The following SNAP25 variants were observed in gnomAD, a reference collection of about 807,000 sequenced individuals.
The protein encoded by SNAP25 is synaptosomal-associated protein 25.
SNAP25 carries 3 observed loss-of-function variants against 28.7 expected under a neutral mutation model. The ratio of observed to expected loss-of-function variants is 0.10; its 90% CI spans 0.05 to 0.27. The LOEUF (loss-of-function observed/expected upper bound fraction) is 0.27. SNAP25 is among the 10% of genes least tolerant of loss of function. The pLI, the probability that SNAP25 is intolerant of heterozygous loss-of-function variation, is 1.00. For missense variants in SNAP25, 117 were observed against 278.7 expected (o/e 0.42, Z 4.13); for synonymous variants, 61 against 88.1 (o/e 0.69, Z 1.72).
At chr20:10,305,584 C>T (rs1393538461) in intron 7 of SNAP25, among the ~76,000 whole-genome samples, 2 of 152,094 alleles carry the variant, frequency 1.3e-5, no homozygotes, top group African/African-American at 4.8e-5. Context: ...TGGATCCACA[C>T]CATTCAAACC....
chr20:10,305,088 A>G (rs2054635892), intron 7 of SNAP25, among the ~76,000 whole-genome samples: 1 of 152,192 alleles, frequency 6.6e-6, no homozygotes, highest in South Asian at 2.1e-4. Flanking sequence ...GTATTTTATG[A>G]TAGTAAATAA....
chr20:10,265,444 C>G (rs1039776041), intron 1 of SNAP25, among the ~76,000 whole-genome samples: 2 of 152,324 alleles, frequency 1.3e-5, no homozygotes, highest in Middle Eastern at 6.8e-3. Flanking sequence ...CTCCAATGCA[C>G]AAAATCCTCA....
At chr20:10,234,545 A>T (rs1288294426) in intron 1 of SNAP25, among the ~76,000 whole-genome samples, 1 of 152,168 alleles carries the variant, frequency 6.6e-6, no homozygotes, top group East Asian at 1.9e-4. Flanking sequence ...CATAATTTTC[A>T]TTATTCTCCC....
At chr20:10,223,661 C>T (rs907867466) in intron 1 of SNAP25, among the ~76,000 whole-genome samples, 1 of 149,896 alleles carries the variant, frequency 6.7e-6, no homozygotes, top group Admixed American at 6.6e-5. Context: ...GATGAGGGGA[C>T]AAAAAGTTAA....
rs545496478 is a variant in SNAP25, at chr20:10,274,108, G to A, written c.-63-1321G>A. On this transcript the variant is annotated intron_variant, in intron 1 of 7. Coordinates refer to ENST00000254976, the MANE Select transcript of SNAP25 (RefSeq NM_130811.4). The stretch of plus-strand genomic sequence containing the variant: ...TATCCCTAGTGCCTAACACTGCCTG[G>A]CATATTACAGGTGCTCAATAAATAT... 2.9e-4 allele frequency among the ~76,000 whole-genome samples: 44 copies of A among 152,266 alleles called. No individual in the cohort carries two copies. In the South Asian group the frequency reaches 8.9e-3, roughly 31 times the overall value.
chr20:10,276,754 G>A (rs1247031289), intron 2 of SNAP25, among the ~76,000 whole-genome samples: 12 of 152,120 alleles, frequency 7.9e-5, no homozygotes, highest in African/African-American at 2.9e-4. Flanking sequence ...AGAGAGTATT[G>A]TATATTTTAT....
chr20:10,299,135 T>C (rs549436831), intron 6 of SNAP25, 133 bp from the exon 7 acceptor site: 1 of 1,016,576 alleles, frequency 9.8e-7, no homozygotes, highest in South Asian at 1.8e-5. Context: ...AAATGTGTTT[T>C]TGTACTGGAT....
rs362585 is a variant in SNAP25 at position 10,275,604 on chromosome 20, G to T, written c.72+41G>T. The T allele has an allele frequency of 0.073, 112,120 of 1,532,482 alleles. 5,985 individuals carry two copies. Among genetic ancestry groups the T allele is most frequent in the East Asian group, 0.22 (9,356 of 43,014 alleles). The allele number at this position is 1,532,482 out of a possible 1,614,324, so 94.9% of individuals were successfully genotyped here. On this transcript the variant is annotated intron_variant, in intron 2 of 7. Coordinates refer to ENST00000254976, the MANE Select transcript of SNAP25 (RefSeq NM_130811.4). ...CTAGGAAGGGAGGCAAAAGATGAAG[G>T]CCTGAGTGGTTTGTCTTATTCAGGT...
intron 1 of SNAP25, among the ~76,000 whole-genome samples, chr20:10,227,840 A>G (rs1485214259): frequency 1.3e-5 from 2 of 152,160 alleles, no homozygotes; most frequent in African/African-American, 4.8e-5. Context: ...CATATATTAC[A>G]TTCACCAGTG....
intron 4 of SNAP25, among the ~76,000 whole-genome samples, chr20:10,287,094 C>A (rs987329113): frequency 3.3e-5 from 5 of 152,168 alleles, no homozygotes; most frequent in African/African-American, 1.2e-4. Context: ...AGGACATAGG[C>A]ATGGGCAAGG....
intron 1 of SNAP25, among the ~76,000 whole-genome samples, chr20:10,240,376 T>C (rs2122730235): frequency 6.6e-6 from 1 of 152,316 alleles, no homozygotes; most frequent in East Asian, 1.9e-4. Context: ...AATCAAGTGA[T>C]TGGGAGCCTT....
At position 10,238,971 on chromosome 20, in the gene SNAP25, T is replaced by G. The variant is rs372566653; in HGVS notation, c.-64+19994T>G. On this transcript the variant is annotated intron_variant, in intron 1 of 7. Coordinates refer to ENST00000254976, the MANE Select transcript of SNAP25 (RefSeq NM_130811.4). The stretch of plus-strand genomic sequence containing the variant: ...TGCTGGCACCATCTCTGGTGGGGAC[T>G]CAGAAGCCACTATCAGTGAGTAGCA... Among the ~76,000 whole-genome samples the G allele has an allele frequency of 9.5e-4, 145 of 152,030 alleles. No homozygotes were observed. The East Asian group carries it at 0.024, about 25-fold the overall frequency.
chr20:10,236,554 C>T (rs1411398317), intron 1 of SNAP25, among the ~76,000 whole-genome samples: 1 of 152,118 alleles, frequency 6.6e-6, no homozygotes, highest in East Asian at 1.9e-4. Flanking sequence ...ACCTTCTCAT[C>T]TAATTACAAG....
intron 3 of SNAP25, among the ~76,000 whole-genome samples, chr20:10,281,558 G>A (rs2063778040): frequency 6.6e-6 from 1 of 152,026 alleles, no homozygotes; most frequent in African/African-American, 2.4e-5. Context: ...TACTGTAGAG[G>A]AACTTGAGGT....
intron 1 of SNAP25, among the ~76,000 whole-genome samples, chr20:10,247,624 C>A (rs1185294829): frequency 6.6e-6 from 1 of 152,178 alleles, no homozygotes; most frequent in Non-Finnish European, 1.5e-5. Flanking sequence ...GCCTTCCAAG[C>A]ATGCTGCATT....
At chr20:10,288,405 C>T (rs1288035632) in intron 4 of SNAP25, among the ~76,000 whole-genome samples, 9 of 151,882 alleles carry the variant, frequency 5.9e-5, no homozygotes, top group Admixed American at 5.3e-4. Context: ...AAAGAGAAAA[C>T]ATGAATAACA....
In SNAP25 at chr20:10,292,364, AGG is replaced by A. The variant is rs539959363; in HGVS notation, c.164-794_164-793del. 1.2e-3 allele frequency among the ~76,000 whole-genome samples: 189 copies of A among 152,316 alleles called. 1 individual carries two copies. Among genetic ancestry groups the A allele is most frequent in the African/African-American group, 4.2e-3 (175 of 41,576 alleles). ...TACCTCTGGCTAGACTGCCACTGCTAGGGGAAGAAAAGACATCCATACCCATT... is the reference window on the plus strand; with the variant it reads ...TACCTCTGGCTAGACTGCCACTGCTAGGAAGAAAAGACATCCATACCCATT... On this transcript the variant is annotated intron_variant, in intron 4 of 7. Coordinates refer to ENST00000254976, the MANE Select transcript of SNAP25 (RefSeq NM_130811.4).
At chr20:10,282,220 GAAGGAAGGGA>G (rs1355680610) in intron 3 of SNAP25, among the ~76,000 whole-genome samples, 3 of 146,544 alleles carry the variant, frequency 2.0e-5, no homozygotes, top group Non-Finnish European at 4.6e-5. Flanking sequence ...AGGAAGGAAG[GAAGGAAGGGA>G]AAGGAAGGAA....
chr20:10,256,697 A>G (rs893740303), intron 1 of SNAP25, among the ~76,000 whole-genome samples: 3 of 151,964 alleles, frequency 2.0e-5, no homozygotes. Context: ...TTGTGTAAAT[A>G]TGTTCATGAT....
Sources: gnomAD v4.1 joint callset for allele counts (sites outside exome capture counted in the v4.1 genomes callset) on GRCh38, gnomAD v4.1.1 for gene constraint, MANE v1.5 for transcripts, NCBI Gene and HGNC (gene_info 2026-07-23, HGNC 2026-07-21) for gene names.